SMG6: variants seen among roughly 807,000 people sequenced by gnomAD.
SMG6 encodes SMG6 nonsense mediated mRNA decay factor, also known as telomerase-binding protein EST1A.
A neutral mutation model predicts 142.2 loss-of-function variants in SMG6; 66 were observed. The ratio of observed to expected loss-of-function variants is 0.46; its 90% CI spans 0.38 to 0.57. The LOEUF is 0.57. SMG6 is among the 20% of genes least tolerant of loss of function. The pLI, the probability that SMG6 is intolerant of heterozygous loss-of-function variation, is 0.00. For missense variants in SMG6, 1,793 were observed against 1,832.0 expected, an observed-to-expected ratio of 0.98 and a Z score of 0.39; for synonymous variants, 779 against 702.4, an observed-to-expected ratio of 1.11 and a Z score of -1.72.
chr17:2,184,117 T>C (rs1230994824), intron 12 of SMG6, among the ~76,000 whole-genome samples: 2 of 152,134 alleles, frequency 1.3e-5, no homozygotes, highest in Non-Finnish European at 2.9e-5. Context: ...ATCCCTGCAC[T>C]TCTGGAGGCT....
chr17:2,141,327 C>T (rs1452403699), intron 13 of SMG6, among the ~76,000 whole-genome samples: 1 of 152,182 alleles, frequency 6.6e-6, no homozygotes, highest in African/African-American at 2.4e-5. Context: ...AAGAGAATTT[C>T]AAGTATAACT....
intron 8 of SMG6, among the ~76,000 whole-genome samples, chr17:2,249,424 T>A (rs1026183355): frequency 1.3e-5 from 2 of 152,144 alleles, no homozygotes; most frequent in Non-Finnish European, 2.9e-5. Flanking sequence ...GCCCGCAAAG[T>A]GCTAAGATTA....
chr17:2,303,578 G>A, intron 1 of SMG6, 55 bp downstream of exon 1: 2 of 1,374,878 alleles, frequency 1.5e-6, no homozygotes, highest in East Asian at 3.1e-5. Context: ...CAGAGGAGGA[G>A]GAGAGGGAGG....
intron 8 of SMG6, among the ~76,000 whole-genome samples, chr17:2,262,252 A>C (rs1182747958): frequency 6.6e-6 from 1 of 152,238 alleles, no homozygotes; most frequent in Non-Finnish European, 1.5e-5. Flanking sequence ...TGGCTCAGAA[A>C]GCTTCCCAGA....
intron 12 of SMG6, among the ~76,000 whole-genome samples, chr17:2,176,562 G>A (rs1293684930): frequency 6.6e-6 from 1 of 152,148 alleles, no homozygotes; most frequent in Non-Finnish European, 1.5e-5. Flanking sequence ...AAGTTAGGGT[G>A]GACTGTTCAC....
chr17:2,271,868 C>T (rs1185453372), intron 8 of SMG6, among the ~76,000 whole-genome samples: 1 of 152,142 alleles, frequency 6.6e-6, no homozygotes, highest in Non-Finnish European at 1.5e-5. Context: ...TGCCTAAGTG[C>T]ATTGTCTAAA....
chr17:2,186,176 C>T (rs971176467), intron 12 of SMG6, among the ~76,000 whole-genome samples: 2 of 150,864 alleles, frequency 1.3e-5, no homozygotes, highest in African/African-American at 2.4e-5. Flanking sequence ...GCAGTGAGAT[C>T]GCGTCACTGC....
At chr17:2,158,620 C>G (rs957669415) in intron 13 of SMG6, among the ~76,000 whole-genome samples, 3 of 152,096 alleles carry the variant, frequency 2.0e-5, no homozygotes, top group Non-Finnish European at 4.4e-5. Flanking sequence ...ACTGTGTAGT[C>G]AAAATTCCAC....
chr17:2,201,031 G>A (rs1183619335), intron 10 of SMG6, among the ~76,000 whole-genome samples: 2 of 152,110 alleles, frequency 1.3e-5, no homozygotes, highest in African/African-American at 4.8e-5. Flanking sequence ...CTAAAAAGTA[G>A]GTGATTTTAT....
rs534917500 is a variant in SMG6 at position 2,201,480 on chromosome 17, G to A, written c.2870-12965C>T. ...AGGCTGAGGTGTGTGGATGGCTTGC[G>A]GTCAGGAGTTCGAGACTGGCCTGAT... On this transcript the variant is annotated intron_variant, in intron 10 of 18. Transcript: ENST00000263073. Among the ~76,000 whole-genome samples, 304 of 152,188 alleles carry A rather than the reference G, an allele frequency of 2.0e-3. 2 individuals carry two copies. The highest frequency in any genetic ancestry group is 2.9e-3 in the Non-Finnish European group (194 of 68,014).
chr17:2,152,725 G>A (rs1202095336), intron 13 of SMG6, among the ~76,000 whole-genome samples: 2 of 152,232 alleles, frequency 1.3e-5, no homozygotes, highest in African/African-American at 4.8e-5. Context: ...AACTGCTCGT[G>A]CAATACGGTG....
chr17:2,201,677 CAAAAAA>C (rs58219330), intron 10 of SMG6, among the ~76,000 whole-genome samples: 8 of 127,704 alleles, frequency 6.3e-5, no homozygotes, highest in African/African-American at 1.7e-4. Context: ...AGACTTGATT[CAAAAAA>C]AAAAAAAAAA....
intron 10 of SMG6, among the ~76,000 whole-genome samples, chr17:2,236,275 T>G (rs2073648822): frequency 6.6e-6 from 1 of 151,666 alleles, no homozygotes; most frequent in South Asian, 2.1e-4. Context: ...TCTATACCCA[T>G]GATTCCCTCC....
chr17:2,242,687 TTTAAAAAAA>T (rs1225252116), intron 9 of SMG6, among the ~76,000 whole-genome samples: 3 of 45,412 alleles, frequency 6.6e-5, no homozygotes, highest in African/African-American at 2.2e-4. Flanking sequence ...GCTCCATCTC[TTTAAAAAAA>T]AAAAAAAAAA....
Position 2,230,203 on chromosome 17 carries a change from A to G in SMG6, c.2869+6289T>C, listed in dbSNP as rs1357251235. 2.4e-4 allele frequency among the ~76,000 whole-genome samples: 28 copies of G among 115,832 alleles called. 2 individuals are homozygous for G. Among genetic ancestry groups the G allele is most frequent in the African/African-American group, 9.6e-4 (27 of 28,124 alleles). The allele number at this position is 115,832 out of a possible 152,430, so 76.0% of individuals were successfully genotyped here. On this transcript the variant is annotated intron_variant, in intron 10 of 18. Coordinates refer to ENST00000263073, the MANE Select transcript of SMG6 (RefSeq NM_017575.5). ...TCCGTCTCCAAAAAAAAAAAAAAAA[A>G]AAAAAAAAAAAAAAAAAAGGAAAAG...
At chr17:2,229,383 G>A (rs993609010) in intron 10 of SMG6, 4 of 152,180 alleles carry the variant, frequency 2.6e-5, no homozygotes, top group African/African-American at 9.7e-5. Flanking sequence ...CTTCATCAGA[G>A]AACAACAGTG....
At chr17:2,123,966 T>C (rs764706468) in intron 13 of SMG6, among the ~76,000 whole-genome samples, 6 of 152,234 alleles carry the variant, frequency 3.9e-5, no homozygotes, top group Non-Finnish European at 5.9e-5. Context: ...TGCTTTACAC[T>C]GAGAGGCCAG....
At chr17:2,104,495 G>A (rs1194526030) in intron 13 of SMG6, among the ~76,000 whole-genome samples, 3 of 151,698 alleles carry the variant, frequency 2.0e-5, no homozygotes, top group Non-Finnish European at 4.4e-5. Flanking sequence ...GAAAGTTCTA[G>A]AAAGAAAAAC....
At chr17:2,258,798 CAAA>C (rs771561105) in intron 8 of SMG6, among the ~76,000 whole-genome samples, 3 of 100,648 alleles carry the variant, frequency 3.0e-5, no homozygotes, top group South Asian at 3.3e-4. Context: ...GACGCCAGCT[CAAA>C]AAAAAAAAAA....
Sources: gnomAD v4.1 joint callset for allele counts (sites outside exome capture counted in the v4.1 genomes callset) on GRCh38, gnomAD v4.1.1 for gene constraint, MANE v1.5 for transcripts, NCBI Gene and HGNC (gene_info 2026-07-23, HGNC 2026-07-21) for gene names.